Variants in KLHL29 observed in about 807,000 individuals in gnomAD.
KLHL29 encodes the protein kelch-like protein 29.
A neutral mutation model predicts 80.4 loss-of-function variants in KLHL29; 21 were observed. That is an observed-to-expected ratio of 0.26 (90% confidence interval 0.19 to 0.38). The LOEUF is 0.38. KLHL29 is among the 10% of genes least tolerant of loss of function. The probability of loss-of-function intolerance (pLI) is 1.00; values close to 1 mark genes in which losing one functional copy is unlikely to be tolerated. For missense variants in KLHL29, 867 were observed against 1,223.9 expected, an observed-to-expected ratio of 0.71 and a Z score of 4.35; for synonymous variants, 511 against 526.8, an observed-to-expected ratio of 0.97 and a Z score of 0.41.
intron 3 of KLHL29, among the ~76,000 whole-genome samples, chr2:23,636,366 G>A (rs1407225245): frequency 6.8e-6 from 1 of 147,710 alleles, no homozygotes; most frequent in Non-Finnish European, 1.5e-5. Context: ...GTGCTCAGTA[G>A]AAAATGGGTA....
chr2:23,562,213 G>C lies in KLHL29; in HGVS notation c.17G>C (p.Ser6Thr). Residue 6 changes from serine to threonine, a missense_variant, in exon 3 of 14, where the codon AGC becomes ACC. Physicochemically the swap from Ser to Thr is moderately conservative, Grantham distance 58. Around this residue, in one of 2 missense-constraint regions of KLHL29, gnomAD observed 424 missense variants for 456.9 expected, o/e 0.93. Coordinates refer to ENST00000486442, the MANE Select transcript of KLHL29 (RefSeq NM_052920.2). The surrounding 1 kb of genome is among the most constrained non-coding windows in gnomAD (Gnocchi z 4.5). MSRHH[S>T]RFERDYRVGW... ...CCCACCGAGATGTCCCGGCACCATAGCCGCTTCGAAAGAGATTACCGGGTG... is the reference window on the plus strand; with the variant it reads ...CCCACCGAGATGTCCCGGCACCATACCCGCTTCGAAAGAGATTACCGGGTG... 6 of 1,550,662 alleles carry C rather than the reference G, an allele frequency of 3.9e-6. No individual in the cohort carries two copies. Among genetic ancestry groups the C allele is most frequent in the Non-Finnish European group, 5.2e-6 (6 of 1,146,960 alleles).
At position 23,700,230 on chromosome 2, in the gene KLHL29, G is replaced by A. The variant is rs1221453961; in HGVS notation, c.2106-2956G>A. On this transcript the variant is annotated intron_variant, in intron 11 of 13. Coordinates refer to ENST00000486442, the MANE Select transcript of KLHL29 (RefSeq NM_052920.2). This position sits in a 1 kb window ranked among gnomAD's most constrained non-coding sequence, Gnocchi z 4.6. ...CCCCTTAAAAATTAAAACAAGACCT[G>A]TTTTCTGCTGGCTCGTGAGATCTGA... is the stretch of plus-strand genomic sequence containing the variant. 9.2e-5 allele frequency among the ~76,000 whole-genome samples: 14 copies of A among 152,126 alleles called. No individual in the cohort carries two copies. The highest frequency in any genetic ancestry group is 8.5e-4 in the Admixed American group (13 of 15,272).
intron 1 of KLHL29, among the ~76,000 whole-genome samples, chr2:23,461,467 G>GA (rs1262235931): frequency 6.6e-6 from 1 of 152,180 alleles, no homozygotes; most frequent in Non-Finnish European, 1.5e-5. Context: ...CGGCTTTGAG[G>GA]TAACCACTTC....
intron 3 of KLHL29, among the ~76,000 whole-genome samples, chr2:23,624,970 G>A (rs1669273531): frequency 6.6e-6 from 1 of 152,238 alleles, no homozygotes; most frequent in South Asian, 2.1e-4. Flanking sequence ...GGTATGACTT[G>A]TGCAAGGTCA....
chr2:23,632,366 C>T (rs1476320986), intron 3 of KLHL29, among the ~76,000 whole-genome samples: 2 of 152,260 alleles, frequency 1.3e-5, no homozygotes, highest in East Asian at 1.9e-4. Flanking sequence ...AGTGCAAGAG[C>T]CCCTGAGGGG....
intron 1 of KLHL29, among the ~76,000 whole-genome samples, chr2:23,423,036 G>A (rs1006224598): frequency 2.6e-5 from 4 of 152,250 alleles, no homozygotes; most frequent in Admixed American, 1.3e-4. Context: ...GGGTCTTGCC[G>A]ACTGGCCCTT....
rs554552661 is a variant in KLHL29 at position 23,482,861 on chromosome 2, A to G, written c.-46+7194A>G. On this transcript the variant is annotated intron_variant, in intron 2 of 13. Transcript: ENST00000486442. Reference sequence around the variant, plus strand: ...CATTCATTCATTCATTCATTCATTCATTCATTCATCCATCACTTACTGGTA... The same window carrying G: ...CATTCATTCATTCATTCATTCATTCGTTCATTCATCCATCACTTACTGGTA... 4.1e-5 allele frequency among the ~76,000 whole-genome samples: 5 copies of G among 122,456 alleles called. No homozygotes were observed. The South Asian group carries it at 1.4e-3, about 33-fold the overall frequency. 80.3% of individuals were successfully genotyped at this position (122,456 alleles called of 152,430 possible). A position where few individuals can be genotyped will look rare whatever the true frequency, so the allele number is the denominator to read the frequency against.
rs114100635 is a variant in KLHL29, at chr2:23,403,356, G to A, written c.-154+17576G>A. Among the ~76,000 whole-genome samples, 1,424 of 152,282 alleles carry A rather than the reference G, an allele frequency of 9.4e-3. 27 individuals carry two copies. Among genetic ancestry groups the A allele is most frequent in the African/African-American group, 0.033 (1,359 of 41,548 alleles). On this transcript the variant is annotated intron_variant, in intron 1 of 13. Coordinates refer to ENST00000486442, the MANE Select transcript of KLHL29 (RefSeq NM_052920.2). Reference sequence around the variant, plus strand: ...ACTACCAGTTTTTAAAATGGGAAAGGAACCAAATGGTTTTGTATAATCCCA... The same window carrying A: ...ACTACCAGTTTTTAAAATGGGAAAGAAACCAAATGGTTTTGTATAATCCCA...
At position 23,633,892 on chromosome 2, in the gene KLHL29, C is replaced by A. The variant is rs372658803; in HGVS notation, c.286-5247C>A. On this transcript the variant is annotated intron_variant, in intron 3 of 13. Coordinates refer to ENST00000486442, the MANE Select transcript of KLHL29 (RefSeq NM_052920.2). ...CATGTCCTCAGCGTTCATTTCTCTC[C>A]CCGTGTTCCCTGGTCTGGTCTCCCC... is the stretch of plus-strand genomic sequence containing the variant. Among the ~76,000 whole-genome samples, 40 of 152,160 alleles carry A rather than the reference C, an allele frequency of 2.6e-4. No individual in the cohort carries two copies. The East Asian group carries it at 2.9e-3, about 11-fold the overall frequency.
intron 1 of KLHL29, among the ~76,000 whole-genome samples, chr2:23,431,650 T>C (rs544986240): frequency 6.6e-6 from 1 of 152,238 alleles, no homozygotes; most frequent in South Asian, 2.1e-4. Flanking sequence ...CCCAGCACTT[T>C]GGGAGGCCTA....
intron 1 of KLHL29, among the ~76,000 whole-genome samples, chr2:23,460,520 G>A (rs1664180201): frequency 6.6e-6 from 1 of 152,108 alleles, no homozygotes; most frequent in Admixed American, 6.5e-5. Context: ...GAATTATCTT[G>A]CCCCAAACAA....
chr2:23,440,038 T>C (rs1055260884), intron 1 of KLHL29, among the ~76,000 whole-genome samples: 32 of 151,614 alleles, frequency 2.1e-4, no homozygotes, highest in African/African-American at 7.8e-4. Context: ...GCTTTTCTTG[T>C]TGAATTGATC....
At chr2:23,554,155 C>T (rs572510283) in intron 2 of KLHL29, among the ~76,000 whole-genome samples, 151 of 152,214 alleles carry the variant, frequency 9.9e-4, no homozygotes, top group Non-Finnish European at 1.3e-3. Flanking sequence ...CACGTCAAGT[C>T]GTGGCCAAGC....
chr2:23,501,516 C>T (rs1011395055), intron 2 of KLHL29, among the ~76,000 whole-genome samples: 1 of 152,088 alleles, frequency 6.6e-6, no homozygotes, highest in African/African-American at 2.4e-5. Flanking sequence ...GCCCGATCAT[C>T]GATGTTCAGG....
intron 1 of KLHL29, among the ~76,000 whole-genome samples, chr2:23,420,825 T>C (rs140721924): frequency 0.012 from 1,843 of 152,242 alleles, 37 homozygotes; most frequent in African/African-American, 0.043. Context: ...GCAGTCACTA[T>C]GAGTGGCACA....
intron 3 of KLHL29, among the ~76,000 whole-genome samples, chr2:23,573,839 G>A (rs1211722301): frequency 6.6e-6 from 1 of 152,170 alleles, no homozygotes; most frequent in Non-Finnish European, 1.5e-5. Flanking sequence ...TTCTTTCTGA[G>A]GGTTTCTTGT....
At chr2:23,683,599 C>G (rs1671152395) in intron 5 of KLHL29, among the ~76,000 whole-genome samples, 1 of 152,226 alleles carries the variant, frequency 6.6e-6, no homozygotes, top group Non-Finnish European at 1.5e-5. Context: ...TCTGTGCCAG[C>G]CCCAGGTCCA....
chr2:23,602,446 C>T (rs745686384), intron 3 of KLHL29, among the ~76,000 whole-genome samples: 2 of 152,122 alleles, frequency 1.3e-5, no homozygotes, highest in Non-Finnish European at 2.9e-5. Context: ...TCCATCCCTA[C>T]CCTGGAAGCT....
intron 2 of KLHL29, among the ~76,000 whole-genome samples, chr2:23,488,301 G>T (rs1197600562): frequency 6.6e-6 from 1 of 152,212 alleles, no homozygotes; most frequent in Non-Finnish European, 1.5e-5. Flanking sequence ...GACATGGAAG[G>T]CAGAGAGGGG....
Sources: gnomAD v4.1 joint callset for allele counts (sites outside exome capture counted in the v4.1 genomes callset) on GRCh38, gnomAD v4.1.1 for gene constraint, gnomAD v4.1.1 regional missense constraint, Gnocchi (gnomAD v3.1) non-coding constraint, MANE v1.5 for transcripts, NCBI Gene and HGNC (gene_info 2026-07-23, HGNC 2026-07-21) for gene names.